The following C1QTNF3 variants were observed in gnomAD, a reference collection of about 807,000 sequenced individuals.
The protein encoded by C1QTNF3 is C1q and TNF related 3, also known as complement C1q tumor necrosis factor-related protein 3.
Under a neutral mutation model 32.6 loss-of-function variants are expected in C1QTNF3, and 26 were observed. That is an observed-to-expected ratio of 0.80 (90% CI 0.58 to 1.11). C1QTNF3 has a LOEUF of 1.11. Among genes scored for constraint, C1QTNF3 ranks in the 50% least tolerant of loss-of-function variants. The pLI, the probability that C1QTNF3 is intolerant of heterozygous loss-of-function variation, is 0.00. For synonymous variants in C1QTNF3, 155 were observed against 146.0 expected, an observed-to-expected ratio of 1.06 and a Z score of -0.44; for missense variants, 362 against 398.2, an observed-to-expected ratio of 0.91 and a Z score of 0.77.
At chr5:34,156,722 C>A in the C1QTNF3 span, among the ~76,000 whole-genome samples, 1 of 151,916 alleles carries the variant, frequency 6.6e-6, no homozygotes, top group Non-Finnish European at 1.5e-5. Context: ...ATTATTGACC[C>A]AAATAAACCC....
the C1QTNF3 span, among the ~76,000 whole-genome samples, chr5:34,243,583 G>A: frequency 6.6e-6 from 1 of 152,200 alleles, no homozygotes; most frequent in East Asian, 1.9e-4. Context: ...ATCAACGGTG[G>A]ACTGGATAAA....
the C1QTNF3 span, among the ~76,000 whole-genome samples, chr5:34,225,506 T>A: frequency 7.9e-5 from 12 of 152,196 alleles, no homozygotes; most frequent in African/African-American, 2.4e-4. Context: ...AACTGACTTA[T>A]CTTCATGATT....
chr5:34,118,151 C>A, the C1QTNF3 span, among the ~76,000 whole-genome samples: 2 of 152,140 alleles, frequency 1.3e-5, no homozygotes, highest in Non-Finnish European at 2.9e-5. Flanking sequence ...ATGGTTTTGG[C>A]TCACTGCAAC....
the C1QTNF3 span, among the ~76,000 whole-genome samples, chr5:34,140,965 C>T: frequency 1.3e-5 from 2 of 152,188 alleles, no homozygotes; most frequent in East Asian, 1.9e-4. Context: ...GGTTAATGGA[C>T]ATAGACTCAT....
the C1QTNF3 span, among the ~76,000 whole-genome samples, chr5:34,127,232 A>C: frequency 6.6e-6 from 1 of 152,200 alleles, no homozygotes; most frequent in Admixed American, 6.5e-5. Context: ...TGACTTTGGA[A>C]CTGGGTAACG....
the C1QTNF3 span, among the ~76,000 whole-genome samples, chr5:34,220,476 AAT>A: frequency 1.3e-5 from 2 of 150,374 alleles, no homozygotes; most frequent in African/African-American, 5.0e-5. Context: ...TAAAATCTAT[AAT>A]GAGTTCAGTT....
chr5:34,135,675 C>A, the C1QTNF3 span, among the ~76,000 whole-genome samples: 12 of 148,630 alleles, frequency 8.1e-5, no homozygotes, highest in Admixed American at 2.7e-4. Context: ...TAAGCAAAAA[C>A]AAAACAAAAC....
chr5:34,218,621 T>C, the C1QTNF3 span, among the ~76,000 whole-genome samples: 1 of 152,110 alleles, frequency 6.6e-6, no homozygotes, highest in Non-Finnish European at 1.5e-5. Context: ...ATGATTATTC[T>C]AGGGAAAGCC....
chr5:34,118,085 T>A, the C1QTNF3 span, among the ~76,000 whole-genome samples: 1 of 152,296 alleles, frequency 6.6e-6, no homozygotes, highest in Non-Finnish European at 1.5e-5. Flanking sequence ...TATCATGTGA[T>A]TCTTTTTTTC....
At chr5:34,125,453 C>CA in the C1QTNF3 span, among the ~76,000 whole-genome samples, 2 of 152,148 alleles carry the variant, frequency 1.3e-5, no homozygotes, top group Non-Finnish European at 2.9e-5. Flanking sequence ...ATTTCCTATT[C>CA]AAAAAATTGC....
chr5:34,082,152 T>C, the C1QTNF3 span, among the ~76,000 whole-genome samples: 1 of 151,628 alleles, frequency 6.6e-6, no homozygotes, highest in African/African-American at 2.4e-5. Flanking sequence ...TGCAAGGAAA[T>C]AGCAGATATA....
At chr5:34,206,860 C>A in the C1QTNF3 span, among the ~76,000 whole-genome samples, 4 of 152,100 alleles carry the variant, frequency 2.6e-5, no homozygotes, top group Non-Finnish European at 5.9e-5. Flanking sequence ...CAGTTCCCAA[C>A]ACATCTTTCT....
At chr5:34,170,473 CG>C in the C1QTNF3 span, among the ~76,000 whole-genome samples, 2 of 152,114 alleles carry the variant, frequency 1.3e-5, no homozygotes, top group South Asian at 4.2e-4. Context: ...AAATAAATTT[CG>C]GGGCGTCTTG....
chr5:34,076,781 G>A, the C1QTNF3 span, among the ~76,000 whole-genome samples: 8 of 151,504 alleles, frequency 5.3e-5, no homozygotes, highest in Admixed American at 3.9e-4. Context: ...ATGATGGTCC[G>A]CTTTCACTAT....
chr5:34,043,191 G>C lies in C1QTNF3; in HGVS notation c.-66C>G. The C allele has an allele frequency of 6.6e-7, 1 of 1,515,476 alleles. No homozygotes were observed. The highest frequency in any genetic ancestry group is 8.9e-7 in the Non-Finnish European group (1 of 1,126,162). The allele number at this position is 1,515,476 out of a possible 1,614,324, so 93.9% of individuals were successfully genotyped here. The stretch of plus-strand genomic sequence containing the variant: ...AGAGCTCCAGGAGCGTGGTCTCCTC[G>C]GGCAGATGCCAGGACTGGAGCTGAG... On this transcript the variant is annotated 5_prime_UTR_variant, in exon 1 of 6. Coordinates refer to ENST00000382065, the MANE Select transcript of C1QTNF3 (RefSeq NM_181435.6).
chr5:34,114,863 T>C, the C1QTNF3 span, among the ~76,000 whole-genome samples: 2 of 152,176 alleles, frequency 1.3e-5, no homozygotes, highest in South Asian at 2.1e-4. Context: ...ATATCCAGTA[T>C]AGAATATTTA....
At chr5:34,140,118 G>C in the C1QTNF3 span, among the ~76,000 whole-genome samples, 2 of 152,162 alleles carry the variant, frequency 1.3e-5, no homozygotes, top group Non-Finnish European at 2.9e-5. Flanking sequence ...CTATGACTCA[G>C]CGGAGAGTTG....
At chr5:34,073,260 G>A in the C1QTNF3 span, among the ~76,000 whole-genome samples, 1 of 151,888 alleles carries the variant, frequency 6.6e-6, no homozygotes, top group African/African-American at 2.4e-5. Context: ...CTGGGAGGTG[G>A]AGCTTGCAGT....
the C1QTNF3 span, among the ~76,000 whole-genome samples, chr5:34,105,237 A>C: frequency 6.6e-6 from 1 of 152,108 alleles, no homozygotes; most frequent in African/African-American, 2.4e-5. Flanking sequence ...TTCATCTTTG[A>C]ATTGTAAGCA....
Sources: allele counts gnomAD v4.1 joint callset (sites outside exome capture counted in the v4.1 genomes callset), GRCh38; gene constraint gnomAD v4.1.1; transcripts MANE v1.5; gene names NCBI Gene and HGNC (gene_info 2026-07-23, HGNC 2026-07-21).